PLEKHH2: variants seen among roughly 807,000 people sequenced by gnomAD.
PLEKHH2 encodes pleckstrin homology domain-containing family H member 2.
PLEKHH2 carries 129 observed loss-of-function variants against 187.9 expected under a neutral mutation model. The observed-to-expected ratio is 0.69, with a 90% confidence interval of 0.59 to 0.79. The LOEUF (loss-of-function observed/expected upper bound fraction) is 0.79, where lower values mean the gene tolerates loss of function less well. PLEKHH2 is among the 30% of genes least tolerant of loss of function. The pLI is 0.00. For synonymous variants in PLEKHH2, 686 were observed against 605.6 expected, an observed-to-expected ratio of 1.13 and a Z score of -1.95; for missense variants, 2,076 against 1,751.2, an observed-to-expected ratio of 1.19 and a Z score of -3.31.
intron 15 of PLEKHH2, among the ~76,000 whole-genome samples, chr2:43,718,630 A>C (rs933575520): frequency 2.6e-5 from 4 of 152,304 alleles, no homozygotes; most frequent in Admixed American, 1.3e-4. Flanking sequence ...GTCTTCATTA[A>C]TTTGCATTTC....
At chr2:43,651,308 C>T (rs1666460695) in intron 2 of PLEKHH2, among the ~76,000 whole-genome samples, 1 of 152,158 alleles carries the variant, frequency 6.6e-6, no homozygotes, top group Non-Finnish European at 1.5e-5. Flanking sequence ...ACCTTGTGAT[C>T]CACCCGCCTC....
In PLEKHH2 at chr2:43,745,723, C is replaced by A. The variant is rs998581984; in HGVS notation, c.3556-143C>A. 6.3e-5 allele frequency: 36 copies of A among 571,284 alleles called. 1 individual carries two copies. In the Middle Eastern group the frequency reaches 1.3e-3, roughly 21 times the overall value. The allele number at this position is 571,284 out of a possible 1,614,324, so 35.4% of individuals were successfully genotyped here. On this transcript the variant is annotated intron_variant, in intron 23 of 29. Transcript: ENST00000282406. ...TTATAATTACATACTAAACTCAGAG[C>A]CGCACAGAGGCTGAAAACAAAAAGC...
At chr2:43,653,576 G>C (rs1666593001) in intron 2 of PLEKHH2, among the ~76,000 whole-genome samples, 1 of 152,214 alleles carries the variant, frequency 6.6e-6, no homozygotes. Context: ...GAAGGCATGG[G>C]ATATAGGAAA....
At chr2:43,732,320 G>T (rs866459588) in intron 19 of PLEKHH2, among the ~76,000 whole-genome samples, 1 of 151,850 alleles carries the variant, frequency 6.6e-6, no homozygotes, top group African/African-American at 2.4e-5. Flanking sequence ...CTGAGATCAC[G>T]CCACTGCACT....
intron 1 of PLEKHH2, among the ~76,000 whole-genome samples, chr2:43,643,618 A>G (rs1206296122): frequency 6.6e-6 from 1 of 152,108 alleles, no homozygotes; most frequent in Non-Finnish European, 1.5e-5. Context: ...ATAGAATAGT[A>G]TACTTCAACT....
At chr2:43,708,143 A>G (rs1170088385) in intron 11 of PLEKHH2, among the ~76,000 whole-genome samples, 2 of 152,156 alleles carry the variant, frequency 1.3e-5, no homozygotes, top group African/African-American at 4.8e-5. Flanking sequence ...CTCGGCTTCA[A>G]CTGGAGCTGC....
At chr2:43,714,833 C>T (rs1479141273) in intron 15 of PLEKHH2, among the ~76,000 whole-genome samples, 1 of 152,146 alleles carries the variant, frequency 6.6e-6, no homozygotes, top group Non-Finnish European at 1.5e-5. Context: ...AGCTTATTTA[C>T]AATGATATAA....
At chr2:43,669,511 G>T (rs540954761) in intron 2 of PLEKHH2, among the ~76,000 whole-genome samples, 2 of 152,014 alleles carry the variant, frequency 1.3e-5, no homozygotes, top group Non-Finnish European at 2.9e-5. Context: ...TTAACCAAAA[G>T]ACATTAACAA....
At chr2:43,714,341 T>A (rs928266545) in intron 15 of PLEKHH2, among the ~76,000 whole-genome samples, 1 of 152,244 alleles carries the variant, frequency 6.6e-6, no homozygotes, top group African/African-American at 2.4e-5. Context: ...GATTCTCAGA[T>A]GACTAAATCA....
intron 2 of PLEKHH2, chr2:43,675,772 C>T: frequency 6.2e-7 from 1 of 1,613,608 alleles, no homozygotes; most frequent in Non-Finnish European, 8.5e-7. Context: ...TAAGACAATC[C>T]CTCCTTCCAC....
chr2:43,767,499 G>A lies in PLEKHH2; in HGVS notation c.*1901G>A, dbSNP rs1390517815. 6.6e-6 allele frequency: 1 copy of A among 152,290 alleles called. No individual in the cohort carries two copies. 9.4% of individuals were successfully genotyped at this position (152,290 alleles called of 1,614,324 possible). Reference sequence around the variant, plus strand: ...AGTCGCCCATCGAATAAGCAAATTTGTTTTTGAGAATAAACTGGTAACCAG... The same window carrying A: ...AGTCGCCCATCGAATAAGCAAATTTATTTTTGAGAATAAACTGGTAACCAG... On this transcript the variant is annotated 3_prime_UTR_variant, in exon 30 of 30. Transcript: ENST00000282406.
At chr2:43,759,498 T>C (rs906649020) in intron 27 of PLEKHH2, among the ~76,000 whole-genome samples, 1 of 152,246 alleles carries the variant, frequency 6.6e-6, no homozygotes. Flanking sequence ...AATATCACTA[T>C]GAGTCACATG....
At chr2:43,705,268 T>C (rs911879163) in intron 9 of PLEKHH2, among the ~76,000 whole-genome samples, 1 of 147,366 alleles carries the variant, frequency 6.8e-6, no homozygotes, top group Non-Finnish European at 1.5e-5. Context: ...TTTTTTTTTT[T>C]TTTTTGAGGC....
At chr2:43,682,561 T>G (rs1232004569) in intron 3 of PLEKHH2, among the ~76,000 whole-genome samples, 1 of 152,144 alleles carries the variant, frequency 6.6e-6, no homozygotes, top group Non-Finnish European at 1.5e-5. Flanking sequence ...CCCCTTGGCC[T>G]CCCAAAGTGC....
At chr2:43,712,500 T>C in intron 15 of PLEKHH2, 117 bp downstream of exon 15, 1 of 1,221,596 alleles carries the variant, frequency 8.2e-7, no homozygotes, top group Non-Finnish European at 1.1e-6. Flanking sequence ...ATCTTGGGGA[T>C]AGGAAAGGGT....
intron 3 of PLEKHH2, 105 bp downstream of exon 3, chr2:43,679,030 C>G (rs1572539595): frequency 1.5e-6 from 1 of 677,870 alleles, no homozygotes; most frequent in East Asian, 2.6e-5. Context: ...TACATCTTAT[C>G]TTTTTGACTG....
chr2:43,718,050 CTAATTGGGATATGA>C (rs1457620508), intron 15 of PLEKHH2, among the ~76,000 whole-genome samples: 1 of 152,068 alleles, frequency 6.6e-6, no homozygotes, highest in Non-Finnish European at 1.5e-5. Flanking sequence ...GTGGCAAGGG[CTAATTGGGATATGA>C]TATACTGTTT....
intron 25 of PLEKHH2, 79 bp downstream of exon 25, chr2:43,753,839 A>T: frequency 2.6e-6 from 3 of 1,158,378 alleles, no homozygotes; most frequent in Non-Finnish European, 3.5e-6. Flanking sequence ...GTAAAATAAT[A>T]TACTTCAATA....
rs952349211 is a variant in PLEKHH2, at chr2:43,767,614, G to A, written c.*2016G>A. ...CATTTAATAATTAGTTGGTGAGCCA[G>A]AGGCTTGACAGAGCTGTTACTTATG... is the stretch of plus-strand genomic sequence containing the variant. On this transcript the variant is annotated 3_prime_UTR_variant, in exon 30 of 30. Coordinates refer to ENST00000282406, the MANE Select transcript of PLEKHH2 (RefSeq NM_172069.4). The A allele has an allele frequency of 1.3e-5, 2 of 152,636 alleles. No homozygotes were observed. The highest frequency in any genetic ancestry group is 4.8e-5 in the African/African-American group (2 of 41,436). The allele number at this position is 152,636 out of a possible 1,614,324, so 9.5% of individuals were successfully genotyped here. A position where few individuals can be genotyped will look rare whatever the true frequency, so the allele number is the denominator to read the frequency against.
Sources: allele counts gnomAD v4.1 joint callset (sites outside exome capture counted in the v4.1 genomes callset), GRCh38; gene constraint gnomAD v4.1.1; transcripts MANE v1.5; gene names NCBI Gene and HGNC (gene_info 2026-07-23, HGNC 2026-07-21).